The following NMNAT1 variants were observed in gnomAD, a reference collection of about 807,000 sequenced individuals.
NMNAT1 encodes nicotinamide nucleotide adenylyltransferase 1.
In NMNAT1, 11 loss-of-function variants were observed where a neutral mutation model predicts 16.7. That is an observed-to-expected ratio of 0.66 (90% CI 0.41 to 1.09). The LOEUF (loss-of-function observed/expected upper bound fraction) is 1.09. Ranked by LOEUF, NMNAT1 falls within the 50% of genes least tolerant of loss-of-function variation. The pLI is 0.00. For missense variants in NMNAT1, 280 were observed against 332.3 expected, an observed-to-expected ratio of 0.84 and a Z score of 1.22; for synonymous variants, 110 against 119.8, an observed-to-expected ratio of 0.92 and a Z score of 0.53.
the NMNAT1 span, among the ~76,000 whole-genome samples, chr1:9,994,714 G>C: frequency 2.0e-5 from 3 of 149,280 alleles, no homozygotes; most frequent in East Asian, 4.0e-4. Flanking sequence ...CTGGGTTCAC[G>C]CATTCTCCTG....
Position 9,982,312 on chromosome 1 carries a change from G to T in NMNAT1, c.451G>T (p.Val151Phe), listed in dbSNP as rs387907292. The stretch of plus-strand genomic sequence containing the variant: ...TTTATTCTTCCCAGCTGTGCCAAAG[G>T]TCAAGCTGCTGTGTGGGGCAGATTT... ...LEPKTKAVPK[V>F]KLLCGADLLE... is the part of the protein sequence containing the mutation. The change falls in exon 5 of 5, where the codon GTC (valine) becomes TTC (phenylalanine). Residue 151 changes from valine (V) to phenylalanine (F), a missense_variant. By Grantham distance (50) the Val-to-Phe change is conservative. Transcript: ENST00000377205. 1.2e-6 allele frequency: 2 copies of T among 1,612,088 alleles called. No homozygotes were observed. Among genetic ancestry groups the T allele is most frequent in the Non-Finnish European group, 1.7e-6 (2 of 1,178,702 alleles).
At chr1:9,986,755 G>A (rs542837006), downstream of NMNAT1, among the ~76,000 whole-genome samples, 2 of 152,116 alleles carry the variant, frequency 1.3e-5, no homozygotes, top group East Asian at 1.9e-4. Context: ...GGTGGTGTGC[G>A]CCTGTAGTCC....
At chr1:9,977,914 T>C (rs895100023) in intron 3 of NMNAT1, among the ~76,000 whole-genome samples, 1 of 152,038 alleles carries the variant, frequency 6.6e-6, no homozygotes, top group Non-Finnish European at 1.5e-5. Flanking sequence ...GGGTCACTCC[T>C]CCGATGTTGC....
In NMNAT1 at chr1:9,977,399, T is replaced by C. The variant is rs200167266; in HGVS notation, c.299+1624T>C. 9.9e-5 allele frequency among the ~76,000 whole-genome samples: 15 copies of C among 152,182 alleles called. No individual in the cohort carries two copies. The East Asian group carries it at 2.3e-3, about 24-fold the overall frequency. The stretch of plus-strand genomic sequence containing the variant: ...AGCTACCATGCCTGGCCTGTTGTTA[T>C]CTTGAGTTTAAAATGAAAGGGCTTT... On this transcript the variant is annotated intron_variant, in intron 3 of 4. Coordinates refer to ENST00000377205, the MANE Select transcript of NMNAT1 (RefSeq NM_022787.4).
At chr1:9,993,365 G>T in the NMNAT1 span, among the ~76,000 whole-genome samples, 1 of 151,852 alleles carries the variant, frequency 6.6e-6, no homozygotes, top group African/African-American at 2.4e-5. Context: ...TGTAGTCCCA[G>T]CTACTCGGGA....
chr1:9,992,325 C>T, the NMNAT1 span, among the ~76,000 whole-genome samples: 1 of 151,986 alleles, frequency 6.6e-6, no homozygotes, highest in Non-Finnish European at 1.5e-5. Flanking sequence ...TCAAATGATC[C>T]TCCCTCCTCG....
chr1:9,963,383 T>G (rs1557464283), intron 1 of NMNAT1, among the ~76,000 whole-genome samples: 1 of 152,062 alleles, frequency 6.6e-6, no homozygotes, highest in East Asian at 1.9e-4. Flanking sequence ...ATAGCCTTAA[T>G]TTCCAGATTT....
intron 1 of NMNAT1, among the ~76,000 whole-genome samples, chr1:9,969,445 G>GA (rs1232684948): frequency 3.3e-5 from 5 of 152,144 alleles, no homozygotes; most frequent in African/African-American, 1.2e-4. Flanking sequence ...GGAAAATACA[G>GA]AAAAAATGAT....
intron 3 of NMNAT1, among the ~76,000 whole-genome samples, chr1:9,980,625 T>TAATA (rs889575628): frequency 2.0e-5 from 3 of 151,414 alleles, no homozygotes; most frequent in East Asian, 2.0e-4. Flanking sequence ...CATCTCAAAA[T>TAATA]AATAAATAAA....
At chr1:9,972,920 C>A (rs753222219) in intron 2 of NMNAT1, among the ~76,000 whole-genome samples, 1 of 152,116 alleles carries the variant, frequency 6.6e-6, no homozygotes, top group Non-Finnish European at 1.5e-5. Context: ...ATGATTGCAC[C>A]TTTGCCCACC....
At chr1:9,990,074 G>A (rs1376942394), downstream of NMNAT1, among the ~76,000 whole-genome samples, 1 of 152,214 alleles carries the variant, frequency 6.6e-6, no homozygotes, top group African/African-American at 2.4e-5. Context: ...CAGCGCCCCT[G>A]CATTCCAGTT....
rs776524075 is a variant in NMNAT1 at position 9,972,121 on chromosome 1, A to G, written c.48A>G (p.Ser16=). The change falls in exon 2 of 5, where the codon TCA becomes TCG. Residue 16 remains serine, a synonymous_variant. Coordinates refer to ENST00000377205, the MANE Select transcript of NMNAT1 (RefSeq NM_022787.4). The part of the protein sequence containing the change: ...KTEVVLLACG[S]FNPITNMHLR... ...AAGTGGTTCTCCTTGCTTGTGGTTC[A>G]TTCAATCCCATCACCAACATGCACC... The G allele has an allele frequency of 2.5e-6, 4 of 1,613,264 alleles. No individual in the cohort carries two copies. The Admixed American group carries it at 6.7e-5, about 27-fold the overall frequency.
chr1:9,990,216 G>A (rs939713233), downstream of NMNAT1, among the ~76,000 whole-genome samples: 7 of 152,196 alleles, frequency 4.6e-5, no homozygotes, highest in Admixed American at 3.9e-4. Context: ...ACAGACATAG[G>A]GCAGAATGGA....
At chr1:9,947,017 ACATCC>A (rs1640995101) in intron 1 of NMNAT1, among the ~76,000 whole-genome samples, 1 of 152,192 alleles carries the variant, frequency 6.6e-6, no homozygotes, top group Non-Finnish European at 1.5e-5. Context: ...ATATGCAGAT[ACATCC>A]AAATCTCTAG....
downstream of NMNAT1, among the ~76,000 whole-genome samples, chr1:9,990,346 G>A (rs1642094491): frequency 6.6e-6 from 1 of 152,156 alleles, no homozygotes; most frequent in Admixed American, 6.6e-5. Flanking sequence ...TTATAGGAGG[G>A]TCACCAGTAG....
downstream of NMNAT1, among the ~76,000 whole-genome samples, chr1:9,990,276 C>T (rs765999729): frequency 2.6e-5 from 4 of 152,020 alleles, no homozygotes; most frequent in African/African-American, 7.2e-5. Flanking sequence ...ATCGGGGACC[C>T]GGGTTCTTTC....
downstream of NMNAT1, among the ~76,000 whole-genome samples, chr1:9,988,594 T>C (rs1303264421): frequency 6.7e-6 from 1 of 148,946 alleles, no homozygotes; most frequent in Non-Finnish European, 1.5e-5. Context: ...TCCTAGCTAC[T>C]CAGGAATCTG....
downstream of NMNAT1, among the ~76,000 whole-genome samples, chr1:9,987,550 G>T (rs1257072020): frequency 6.6e-6 from 1 of 152,002 alleles, no homozygotes; most frequent in African/African-American, 2.4e-5. Context: ...TGAGGTAGGA[G>T]AATGGCGTGA....
intron 1 of NMNAT1, among the ~76,000 whole-genome samples, chr1:9,946,342 TTAGG>T (rs1237214123): frequency 9.9e-5 from 15 of 152,150 alleles, no homozygotes; most frequent in African/African-American, 3.6e-4. Flanking sequence ...AAATAAGATG[TTAGG>T]TAGGAAACCA....
Sources: gnomAD v4.1 joint callset for allele counts (sites outside exome capture counted in the v4.1 genomes callset) on GRCh38, gnomAD v4.1.1 for gene constraint, MANE v1.5 for transcripts, NCBI Gene and HGNC (gene_info 2026-07-23, HGNC 2026-07-21) for gene names.